The following PCDHA12 variants were observed in gnomAD, a reference collection of about 807,000 sequenced individuals.
The protein encoded by PCDHA12 is protocadherin alpha-12.
In PCDHA12, 44 loss-of-function variants were observed where a neutral mutation model predicts 60.0. The observed-to-expected ratio is 0.73, with a 90% CI of 0.58 to 0.94. The LOEUF is 0.94. Ranked by LOEUF, PCDHA12 falls within the 40% of genes least tolerant of loss-of-function variation. PCDHA12 has a pLI of 0.00. For missense variants in PCDHA12, 1,276 were observed against 1,239.7 expected, an observed-to-expected ratio of 1.03 and a Z score of -0.44; for synonymous variants, 569 against 553.0, an observed-to-expected ratio of 1.03 and a Z score of -0.40.
At chr5:141,002,273 A>G (rs1040927044) in intron 3 of PCDHA12, among the ~76,000 whole-genome samples, 42 of 152,308 alleles carry the variant, frequency 2.8e-4, no homozygotes, top group African/African-American at 8.9e-4. Context: ...AGAGCTGGTA[A>G]CAAAGGGATG....
At chr5:141,000,595 T>G (rs1438785385) in intron 3 of PCDHA12, among the ~76,000 whole-genome samples, 1 of 150,924 alleles carries the variant, frequency 6.6e-6, no homozygotes, top group African/African-American at 2.4e-5. Context: ...GCCCAGCTAA[T>G]TTTTGTATTT....
chr5:140,926,754 C>A, intron 1 of PCDHA12: 1 of 1,283,492 alleles, frequency 7.8e-7, no homozygotes. Context: ...TCGGCGGTCG[C>A]TGAGTATCCA....
At chr5:140,961,176 C>A (rs782677581) in intron 1 of PCDHA12, among the ~76,000 whole-genome samples, 16 of 152,182 alleles carry the variant, frequency 1.1e-4, no homozygotes, top group Admixed American at 2.0e-4. Context: ...ACCTTATGTA[C>A]TCCTCACAGG....
intron 1 of PCDHA12, among the ~76,000 whole-genome samples, chr5:140,952,745 A>G (rs1554220592): frequency 6.6e-6 from 1 of 152,220 alleles, no homozygotes; most frequent in African/African-American, 2.4e-5. Context: ...TCACACTGCT[A>G]TAAAAACACC....
In PCDHA12 at chr5:140,924,908, AAAT is replaced by A. The variant is rs1554202345; in HGVS notation, c.2367+47072_2367+47074del. ...AGAACCTGTCTCAAAAAAAAAAATA[AAAT>A]AAAATAAAATAAAATAAAATAAAAT... On this transcript the variant is annotated intron_variant, in intron 1 of 3. Coordinates refer to ENST00000398631, the MANE Select transcript of PCDHA12 (RefSeq NM_018903.4). Among the ~76,000 whole-genome samples the A allele has an allele frequency of 9.0e-4, 53 of 58,926 alleles. 1 individual carries two copies. The highest frequency in any genetic ancestry group is 2.8e-3 in the African/African-American group (51 of 18,360). The allele number at this position is 58,926 out of a possible 152,430, so 38.7% of individuals were successfully genotyped here. A position where few individuals can be genotyped will look rare whatever the true frequency, so the allele number is the denominator to read the frequency against.
chr5:140,875,947 GA>G lies in PCDHA12; in HGVS notation c.476del (p.Asp159ValfsTer6). On this transcript the variant is annotated frameshift_variant, in exon 1 of 4. Coordinates refer to ENST00000398631, the MANE Select transcript of PCDHA12 (RefSeq NM_018903.4). LOFTEE classifies it high-confidence loss of function. ...TCATTTTCCTCTAGAGGGCGCTTCT[GA>G]TGCGGATATCGGCGTAAACTCTCTT... ...DSHFPLEGAS[D>X]ADIGVNSLLT... is the part of the protein sequence containing the mutation. 6.2e-7 allele frequency: 1 copy of G among 1,614,184 alleles called. No homozygotes were observed. The highest frequency in any genetic ancestry group is 8.5e-7 in the Non-Finnish European group (1 of 1,180,012).
chr5:140,913,164 T>C (rs1211762965), intron 1 of PCDHA12, among the ~76,000 whole-genome samples: 1 of 152,208 alleles, frequency 6.6e-6, no homozygotes, highest in Non-Finnish European at 1.5e-5. Flanking sequence ...GGATTGGTAT[T>C]AGTTCTTCTT....
chr5:140,966,435 C>G (rs1554228292), intron 1 of PCDHA12: 5 of 423,758 alleles, frequency 1.2e-5, no homozygotes, highest in African/African-American at 1.0e-4. Context: ...GCCCTCCTAC[C>G]GCTCCCTTTC....
intron 1 of PCDHA12, among the ~76,000 whole-genome samples, chr5:140,904,640 C>T (rs1484010152): frequency 6.6e-6 from 1 of 152,046 alleles, no homozygotes; most frequent in Non-Finnish European, 1.5e-5. Flanking sequence ...GGAATCTCCA[C>T]ACTGTTTTCC....
intron 1 of PCDHA12, among the ~76,000 whole-genome samples, chr5:140,972,533 T>C (rs2096540643): frequency 6.6e-6 from 1 of 152,134 alleles, no homozygotes; most frequent in African/African-American, 2.4e-5. Flanking sequence ...ATTTCATAAA[T>C]CACTTGTGCA....
chr5:140,993,267 T>C (rs1554253547), intron 3 of PCDHA12, among the ~76,000 whole-genome samples: 1 of 152,166 alleles, frequency 6.6e-6, no homozygotes, highest in Non-Finnish European at 1.5e-5. Context: ...ATTAGCTTCT[T>C]TGGTCTTTTC....
At chr5:140,958,367 T>C (rs1029042656) in intron 1 of PCDHA12, among the ~76,000 whole-genome samples, 2 of 152,166 alleles carry the variant, frequency 1.3e-5, no homozygotes, top group Admixed American at 6.5e-5. Context: ...TTATCAGGAA[T>C]GTTGCTATTT....
intron 1 of PCDHA12, among the ~76,000 whole-genome samples, chr5:140,960,639 C>T (rs1184483884): frequency 5.9e-5 from 9 of 152,058 alleles, no homozygotes; most frequent in Admixed American, 5.9e-4. Flanking sequence ...ATTTTTAAAA[C>T]CCCTATCCAA....
In PCDHA12 at chr5:140,876,753, G is replaced by A; in HGVS notation, c.1281G>A (p.Ala427=). The A allele has an allele frequency of 1.2e-6, 2 of 1,614,246 alleles. No homozygotes were observed. The highest frequency in any genetic ancestry group is 1.7e-6 in the Non-Finnish European group (2 of 1,180,040). The change falls in exon 1 of 4, where the codon GCG becomes GCA. Residue 427 remains alanine, a synonymous_variant. Transcript: ENST00000398631. The part of the protein sequence containing the change: ...SVSAYELVVT[A]RDGGSPSLWA... ...CGGCCTATGAGCTGGTGGTGACTGC[G>A]CGGGATGGGGGCTCGCCTTCGCTGT... is the stretch of plus-strand genomic sequence containing the variant.
At chr5:140,981,111 T>C (rs1275828842) in intron 2 of PCDHA12, among the ~76,000 whole-genome samples, 3 of 152,232 alleles carry the variant, frequency 2.0e-5, no homozygotes, top group African/African-American at 2.4e-5. Context: ...GAATTTCTAC[T>C]GGATATGTTG....
intron 1 of PCDHA12, among the ~76,000 whole-genome samples, chr5:140,918,041 C>T (rs1554198405): frequency 6.6e-6 from 1 of 152,058 alleles, no homozygotes; most frequent in Non-Finnish European, 1.5e-5. Flanking sequence ...AAGGTCTTTC[C>T]ATTTGTTTTA....
rs1563185469 is a variant in PCDHA12 at position 140,941,211 on chromosome 5, CTTCCTTT to C, written c.2368-37737_2368-37731del. On this transcript the variant is annotated intron_variant, in intron 1 of 3. Coordinates refer to ENST00000398631, the MANE Select transcript of PCDHA12 (RefSeq NM_018903.4). The stretch of plus-strand genomic sequence containing the variant: ...TTTTTTTTTCTTTCTTCCTTTCTTT[CTTCCTTT>C]CTTTCTTTCTTTCTTTCTTTCTTTC... Among the ~76,000 whole-genome samples, 1,009 of 129,652 alleles carry C rather than the reference CTTCCTTT, an allele frequency of 7.8e-3. 14 individuals are homozygous for C. Among genetic ancestry groups the C allele is most frequent in the Middle Eastern group, 0.036 (9 of 248 alleles). 85.1% of individuals were successfully genotyped at this position (129,652 alleles called of 152,430 possible).
intron 1 of PCDHA12, chr5:140,968,123 C>A: frequency 6.2e-7 from 1 of 1,614,178 alleles, no homozygotes; most frequent in Non-Finnish European, 8.5e-7. Context: ...CACATCCCTG[C>A]GTACACTGAA....
intron 1 of PCDHA12, among the ~76,000 whole-genome samples, chr5:140,901,931 C>G (rs2068990642): frequency 6.6e-6 from 1 of 151,430 alleles, no homozygotes; most frequent in Non-Finnish European, 1.5e-5. Context: ...TGGTTAATTC[C>G]TAGGTATATT....
Sources: gnomAD v4.1 joint callset for allele counts (sites outside exome capture counted in the v4.1 genomes callset) on GRCh38, gnomAD v4.1.1 for gene constraint, MANE v1.5 for transcripts, NCBI Gene and HGNC (gene_info 2026-07-23, HGNC 2026-07-21) for gene names.